Variants in EMB observed in about 807,000 individuals in gnomAD.
EMB encodes the protein embigin homolog.
In EMB, 31 loss-of-function variants were observed where a neutral mutation model predicts 41.4. That is an observed-to-expected ratio of 0.75 (90% CI 0.56 to 1.01). The LOEUF (loss-of-function observed/expected upper bound fraction) is 1.01. Among genes scored for constraint, EMB ranks in the 50% least tolerant of loss-of-function variants. The pLI, the probability that EMB is intolerant of heterozygous loss-of-function variation, is 0.00. For missense variants in EMB, 379 were observed against 388.3 expected, an observed-to-expected ratio of 0.98 and a Z score of 0.20; for synonymous variants, 137 against 140.4, an observed-to-expected ratio of 0.98 and a Z score of 0.17.
In EMB at chr5:50,428,152, G is replaced by A. The variant is rs893442296; in HGVS notation, c.188C>T (p.Ser63Leu). 3 of 1,600,632 alleles carry A rather than the reference G, an allele frequency of 1.9e-6. No individual in the cohort carries two copies. Among genetic ancestry groups the A allele is most frequent in the Non-Finnish European group, 2.6e-6 (3 of 1,170,350 alleles). ...AAACATGATACATTTACCAGTCAGT[G>A]ATATGTTATGACTCTCCAAGGAAAA... ...NNFSLESHNI[S>L]LTEHSSMPVE... The change falls in exon 2 of 9, where the codon TCA becomes TTA. Residue 63 changes from serine to leucine, a missense_variant. Coordinates refer to ENST00000303221, the MANE Select transcript of EMB (RefSeq NM_198449.3).
At chr5:50,413,098 C>CA (rs1044186298) in intron 2 of EMB, among the ~76,000 whole-genome samples, 7 of 151,958 alleles carry the variant, frequency 4.6e-5, no homozygotes, top group Non-Finnish European at 8.8e-5. Flanking sequence ...AGGGAAAACA[C>CA]AAAAAAACTA....
intron 2 of EMB, among the ~76,000 whole-genome samples, chr5:50,415,512 T>A (rs531444479): frequency 3.9e-4 from 59 of 152,312 alleles, no homozygotes; most frequent in African/African-American, 1.4e-3. Flanking sequence ...CTCACCATTA[T>A]CTCACTGGGG....
Position 50,397,720 on chromosome 5 carries a change from T to C in EMB, c.*1553A>G, listed in dbSNP as rs1443088945. 6.6e-6 allele frequency: 1 copy of C among 152,046 alleles called. No homozygotes were observed. The highest frequency in any genetic ancestry group is 6.6e-5 in the Admixed American group (1 of 15,242). The allele number at this position is 152,046 out of a possible 1,614,324, so 9.4% of individuals were successfully genotyped here. A position where few individuals can be genotyped will look rare whatever the true frequency, so the allele number is the denominator to read the frequency against. ...TAATAATTAATTAAACTAAAATAAA[T>C]GTATGGCCCTGAGACCAGAATAAAA... On this transcript the variant is annotated 3_prime_UTR_variant, in exon 9 of 9. Transcript: ENST00000303221.
At chr5:50,428,528 A>C (rs1745660587) in intron 1 of EMB, 1 of 1,023,856 alleles carries the variant, frequency 9.8e-7, no homozygotes, top group African/African-American at 1.7e-5. Flanking sequence ...ACAAAACATA[A>C]ATAAACTGAA....
At position 50,428,219 on chromosome 5, in the gene EMB, A is replaced by T; in HGVS notation, c.121T>A (p.Phe41Ile). The change falls in exon 2 of 9, where the codon TTT (phenylalanine) becomes ATT (isoleucine). Residue 41 changes from phenylalanine to isoleucine, a missense_variant. By Grantham distance (21) the Phe-to-Ile change is conservative. Coordinates refer to ENST00000303221, the MANE Select transcript of EMB (RefSeq NM_198449.3). ...TCTTCTCTGAGAGGTGGACTTGTAA[A>T]AGGCGAATCTATAAGAGAAAGAACA... is the stretch of plus-strand genomic sequence containing the variant. ...SADGSAPDSP[F>I]TSPPLREEIM... 1 of 1,610,112 alleles carries T rather than the reference A, an allele frequency of 6.2e-7. No homozygotes were observed. The highest frequency in any genetic ancestry group is 8.5e-7 in the Non-Finnish European group (1 of 1,176,640).
rs370656309 is a variant in EMB, at chr5:50,403,335, T to C, written c.720A>G (p.Leu240=). The change falls in exon 6 of 9, where the codon CTA becomes CTG. Residue 240 remains leucine, a synonymous_variant. Transcript: ENST00000303221. The part of the protein sequence containing the change: ...EDGESYWCRA[L]FQLGESEEHI... ...GTTCTTCACTCTCGCCTAATTGGAA[T>C]AGTGCACGGCACCAGTAAGATTCCC... 40 of 1,612,700 alleles carry C rather than the reference T, an allele frequency of 2.5e-5. No homozygotes were observed. The highest frequency in any genetic ancestry group is 3.3e-5 in the Non-Finnish European group (39 of 1,179,250).
At chr5:50,440,538 A>C (rs1745885872) in intron 1 of EMB, among the ~76,000 whole-genome samples, 1 of 73,226 alleles carries the variant, frequency 1.4e-5, no homozygotes, top group African/African-American at 9.5e-5. Context: ...CGTCTCAAAA[A>C]AAAAAAAAAA....
Position 50,399,605 on chromosome 5 carries a change from GATAAA to G in EMB, c.966+249_966+253del, listed in dbSNP as rs542955539. Among the ~76,000 whole-genome samples, 113 of 152,052 alleles carry G rather than the reference GATAAA, an allele frequency of 7.4e-4. 1 individual carries two copies. Among genetic ancestry groups the G allele is most frequent in the African/African-American group, 2.3e-3 (96 of 41,536 alleles). The stretch of plus-strand genomic sequence containing the variant: ...ATTGTAAAAGAAACTAGTCCGTGGT[GATAAA>G]ATAAAATATGTAGCCAGTGCAAAAG... On this transcript the variant is annotated intron_variant, in intron 8 of 8. Coordinates refer to ENST00000303221, the MANE Select transcript of EMB (RefSeq NM_198449.3).
At chr5:50,407,032 A>C (rs924030043) in intron 4 of EMB, among the ~76,000 whole-genome samples, 1 of 151,934 alleles carries the variant, frequency 6.6e-6, no homozygotes, top group Non-Finnish European at 1.5e-5. Flanking sequence ...TGTTAGGCTC[A>C]CCTTAAAACA....
chr5:50,440,533 CAAAAAAAAAAA>C (rs70972912), intron 1 of EMB, among the ~76,000 whole-genome samples: 7 of 60,054 alleles, frequency 1.2e-4, no homozygotes, highest in African/African-American at 4.8e-4. Context: ...AACTCCGTCT[CAAAAAAAAAAA>C]AAAAAAAAAA....
chr5:50,442,417 A>C (rs554036629), upstream of EMB, among the ~76,000 whole-genome samples: 1 of 152,270 alleles, frequency 6.6e-6, no homozygotes, highest in South Asian at 2.1e-4. Context: ...GAATAATACA[A>C]TTCATTCAAC....
In EMB at chr5:50,425,752, C is replaced by T. The variant is rs181611130; in HGVS notation, c.196+2392G>A. ...ATGGACTCTTGCAGTGGCACAATCT[C>T]GGCTCGCTGCAACCTCCGCCTCCCA... On this transcript the variant is annotated intron_variant, in intron 2 of 8. Coordinates refer to ENST00000303221, the MANE Select transcript of EMB (RefSeq NM_198449.3). Among the ~76,000 whole-genome samples, 452 of 149,942 alleles carry T rather than the reference C, an allele frequency of 3.0e-3. 3 individuals are homozygous for T. Among genetic ancestry groups the T allele is most frequent in the Non-Finnish European group, 4.2e-3 (281 of 67,634 alleles).
At position 50,411,387 on chromosome 5, in the gene EMB, T is replaced by G; in HGVS notation, c.197-4A>C. On this transcript the variant is annotated splice_region_variant and splice_polypyrimidine_tract_variant and intron_variant, in intron 2 of 8. Coordinates refer to ENST00000303221, the MANE Select transcript of EMB (RefSeq NM_198449.3). ...TCTACTGGCATACTAGAATGTTCTATTAGCACAAAAGAGGACAAAATGTGA... is the reference window on the plus strand; with the variant it reads ...TCTACTGGCATACTAGAATGTTCTAGTAGCACAAAAGAGGACAAAATGTGA... 4 of 1,577,072 alleles carry G rather than the reference T, an allele frequency of 2.5e-6. No homozygotes were observed. The highest frequency in any genetic ancestry group is 3.5e-6 in the Non-Finnish European group (4 of 1,159,192).
chr5:50,424,560 CT>C lies in EMB; in HGVS notation c.196+3583del, dbSNP rs940796194. On this transcript the variant is annotated intron_variant, in intron 2 of 8. Coordinates refer to ENST00000303221, the MANE Select transcript of EMB (RefSeq NM_198449.3). ...TCTAACTTTATGGTGAGATTCTTTA[CT>C]AAATGTTAATCACAAGATTATTAAA... is the stretch of plus-strand genomic sequence containing the variant. Among the ~76,000 whole-genome samples the C allele has an allele frequency of 9.2e-5, 14 of 152,126 alleles. No homozygotes were observed. In the East Asian group the frequency reaches 9.7e-4, roughly 10 times the overall value.
chr5:50,439,738 T>G (rs954391690), intron 1 of EMB, among the ~76,000 whole-genome samples: 11 of 152,176 alleles, frequency 7.2e-5, no homozygotes, highest in Admixed American at 2.6e-4. Context: ...AAATTAATAG[T>G]CTTACCTTTT....
chr5:50,436,200 C>T (rs891946501), intron 1 of EMB, among the ~76,000 whole-genome samples: 5 of 152,174 alleles, frequency 3.3e-5, no homozygotes, highest in East Asian at 1.9e-4. Flanking sequence ...ATGCATGATA[C>T]GTATTCATCA....
chr5:50,430,350 T>C (rs1745696711), intron 1 of EMB, among the ~76,000 whole-genome samples: 1 of 152,200 alleles, frequency 6.6e-6, no homozygotes, highest in Admixed American at 6.5e-5. Flanking sequence ...TCTTTATCCC[T>C]GAAACAAGCC....
At chr5:50,411,862 T>C (rs1745343843) in intron 2 of EMB, 1 of 152,220 alleles carries the variant, frequency 6.6e-6, no homozygotes, top group Non-Finnish European at 1.5e-5. Context: ...GAGTGATATA[T>C]TATATTCTAA....
At chr5:50,406,602 T>C (rs1384697641) in intron 4 of EMB, among the ~76,000 whole-genome samples, 1 of 151,948 alleles carries the variant, frequency 6.6e-6, no homozygotes, top group Non-Finnish European at 1.5e-5. Flanking sequence ...AAAGCCTACA[T>C]GGTGCAATCA....
Sources: allele counts gnomAD v4.1 joint callset (sites outside exome capture counted in the v4.1 genomes callset), GRCh38; gene constraint gnomAD v4.1.1; transcripts MANE v1.5; gene names NCBI Gene and HGNC (gene_info 2026-07-23, HGNC 2026-07-21).